The following CUX1 variants were observed in gnomAD, a reference collection of about 807,000 sequenced individuals.
CUX1 encodes the protein cut like homeobox 1.
A neutral mutation model predicts 158.8 loss-of-function variants in CUX1; 31 were observed. That is an observed-to-expected ratio of 0.20 (90% CI 0.15 to 0.26). The LOEUF (loss-of-function observed/expected upper bound fraction) is 0.26. Ranked by LOEUF, CUX1 falls within the 10% of genes least tolerant of loss-of-function variation. The probability of loss-of-function intolerance (pLI) is 1.00; values close to 1 mark genes in which losing one functional copy is unlikely to be tolerated. For synonymous variants in CUX1, 879 were observed against 862.1 expected, an observed-to-expected ratio of 1.02 and a Z score of -0.34; for missense variants, 1,589 against 2,014.6, an observed-to-expected ratio of 0.79 and a Z score of 4.04.
chr7:102,273,074 C>T (rs868920619), intron 14 of CUX1, among the ~76,000 whole-genome samples: 15 of 152,366 alleles, frequency 9.8e-5, no homozygotes, highest in Middle Eastern at 3.4e-3. Flanking sequence ...CACATTGCAC[C>T]GGTTTCTCCT....
chr7:102,005,324 TTTTTGTTTTG>T (rs1033367363), intron 2 of CUX1, among the ~76,000 whole-genome samples: 7 of 152,088 alleles, frequency 4.6e-5, no homozygotes, highest in East Asian at 1.9e-4. Context: ...CCGGCCTGGT[TTTTTGTTTTG>T]TTTTGTTTTG....
chr7:101,816,484 G>T (rs1791800723), upstream of CUX1, among the ~76,000 whole-genome samples: 1 of 140,768 alleles, frequency 7.1e-6, no homozygotes, highest in Admixed American at 6.9e-5. Flanking sequence ...GGCCCGCGGG[G>T]TGCGCGCGCG....
At chr7:102,002,124 A>G (rs952841876) in intron 2 of CUX1, among the ~76,000 whole-genome samples, 2 of 152,248 alleles carry the variant, frequency 1.3e-5, no homozygotes, top group East Asian at 3.9e-4. Flanking sequence ...CGAGACCCCC[A>G]TCTCTATAAA....
At chr7:101,860,509 T>G (rs1438951887) in intron 1 of CUX1, among the ~76,000 whole-genome samples, 1 of 152,102 alleles carries the variant, frequency 6.6e-6, no homozygotes, top group Non-Finnish European at 1.5e-5. Context: ...CTCTGTGGGG[T>G]CCCAGGGGAG....
chr7:102,021,614 C>CTTTTTTTTTTTT (rs67147187), intron 2 of CUX1, among the ~76,000 whole-genome samples: 4 of 109,342 alleles, frequency 3.7e-5, no homozygotes, highest in Non-Finnish European at 6.1e-5. Context: ...TTTTTTTTCT[C>CTTTTTTTTTTTT]TTTTTTTTTT....
rs534963686 is a variant in CUX1, at chr7:102,141,431, A to AG, written c.675-17127dup. Among the ~76,000 whole-genome samples the AG allele has an allele frequency of 2.9e-3, 435 of 152,274 alleles. 3 individuals are homozygous for AG. Among genetic ancestry groups the AG allele is most frequent in the African/African-American group, 0.01 (421 of 41,552 alleles). ...GCATTGACTTTACTGGGGAAAAACC[A>AG]GGTGGAAGAAGGTTGAAGGAGCTTG... On this transcript the variant is annotated intron_variant, in intron 8 of 23. Transcript: ENST00000292535.
chr7:101,913,153 T>C (rs55659610), intron 1 of CUX1: 7 of 249,748 alleles, frequency 2.8e-5, no homozygotes, highest in African/African-American at 1.6e-4. Flanking sequence ...TGTTGTTTTT[T>C]AAAAAAATTT....
intron 22 of CUX1, chr7:102,282,809 C>T: frequency 6.4e-7 from 1 of 1,558,708 alleles, no homozygotes; most frequent in Non-Finnish European, 8.7e-7. Context: ...CCCCTCAGCC[C>T]CACAGCGAGC....
intron 11 of CUX1, among the ~76,000 whole-genome samples, chr7:102,186,429 A>G (rs1793622685): frequency 6.6e-6 from 1 of 152,116 alleles, no homozygotes; most frequent in Non-Finnish European, 1.5e-5. Context: ...AGAACCCTCA[A>G]TGGAAGCTGT....
At position 102,046,569 on chromosome 7, in the gene CUX1, A is replaced by ATTTTTTTTTT. The variant is rs55753644; in HGVS notation, c.189+18442_189+18451dup. Among the ~76,000 whole-genome samples the ATTTTTTTTTT allele has an allele frequency of 1.7e-3, 95 of 55,470 alleles. 7 individuals are homozygous for ATTTTTTTTTT. Among genetic ancestry groups the ATTTTTTTTTT allele is most frequent in the African/African-American group, 5.7e-3 (69 of 12,212 alleles). 36.4% of individuals were successfully genotyped at this position (55,470 alleles called of 152,430 possible). On this transcript the variant is annotated intron_variant, in intron 3 of 23. Transcript: ENST00000292535. ...CCTGTTCTGTTTTGGTTTGGTTTGGATTTTTTTTTTTTTTTTTTTTTTTTT... is the reference window on the plus strand; with the variant it reads ...CCTGTTCTGTTTTGGTTTGGTTTGGATTTTTTTTTTTTTTTTTTTTTTTTTTTTTTTTTTT...
chr7:101,998,817 C>T (rs1476456723), intron 2 of CUX1, among the ~76,000 whole-genome samples: 1 of 152,176 alleles, frequency 6.6e-6, no homozygotes, highest in Non-Finnish European at 1.5e-5. Flanking sequence ...ACGTCAGTGT[C>T]CAGCTCTCTC....
At chr7:101,946,995 G>C (rs1361398554) in intron 2 of CUX1, among the ~76,000 whole-genome samples, 1 of 152,182 alleles carries the variant, frequency 6.6e-6, no homozygotes, top group Admixed American at 6.5e-5. Flanking sequence ...CAGGGTTTCA[G>C]CTGGGAGGGG....
At chr7:101,955,004 C>G (rs440285) in intron 2 of CUX1, among the ~76,000 whole-genome samples, 11 of 152,058 alleles carry the variant, frequency 7.2e-5, no homozygotes, top group African/African-American at 2.2e-4. Context: ...GACCCTGTCT[C>G]TACTAAAAAT....
rs371797606 is a variant in CUX1 at position 101,826,498 on chromosome 7, G to A, written c.30+8829G>A. ...ATTATAGAGGTGAACCACTGCGCCC[G>A]GCCTTCAAGCCTATTTCATGCATTC... is the stretch of plus-strand genomic sequence containing the variant. On this transcript the variant is annotated intron_variant, in intron 1 of 23. Coordinates refer to ENST00000292535, the MANE Select transcript of CUX1 (RefSeq NM_181552.4). 2.7e-4 allele frequency among the ~76,000 whole-genome samples: 41 copies of A among 152,202 alleles called. 1 individual carries two copies. The East Asian group carries it at 7.3e-3, about 27-fold the overall frequency.
intron 1 of CUX1, among the ~76,000 whole-genome samples, chr7:101,825,635 G>A (rs1793165247): frequency 6.6e-6 from 1 of 152,204 alleles, no homozygotes; most frequent in Non-Finnish European, 1.5e-5. Context: ...GATATTGCCA[G>A]TTATGGTTGA....
chr7:102,260,889 C>T (rs1790357626), downstream of CUX1, among the ~76,000 whole-genome samples: 1 of 152,236 alleles, frequency 6.6e-6, no homozygotes, highest in South Asian at 2.1e-4. Context: ...CTCCTCTCCA[C>T]GGTCTTAACA....
intron 20 of CUX1, among the ~76,000 whole-genome samples, chr7:102,210,203 TCTC>T (rs1477643686): frequency 6.6e-6 from 1 of 152,148 alleles, no homozygotes; most frequent in Non-Finnish European, 1.5e-5. Flanking sequence ...TTCAAGTAAT[TCTC>T]CTTCCTCAGC....
intron 4 of CUX1, among the ~76,000 whole-genome samples, chr7:102,092,772 G>A (rs1361988243): frequency 1.3e-5 from 2 of 151,874 alleles, no homozygotes; most frequent in African/African-American, 2.4e-5. Flanking sequence ...AATTATCCTG[G>A]CATGGTCGTG....
intron 8 of CUX1, among the ~76,000 whole-genome samples, chr7:102,132,348 A>G (rs1833385480): frequency 6.6e-6 from 1 of 151,784 alleles, no homozygotes; most frequent in African/African-American, 2.4e-5. Flanking sequence ...ACGCATCTTT[A>G]CAGAACAATA....
Sources: gnomAD v4.1 joint callset for allele counts (sites outside exome capture counted in the v4.1 genomes callset) on GRCh38, gnomAD v4.1.1 for gene constraint, MANE v1.5 for transcripts, NCBI Gene and HGNC (gene_info 2026-07-23, HGNC 2026-07-21) for gene names.